Variants in SULT1C2 observed in about 807,000 individuals in gnomAD.
SULT1C2 encodes sulfotransferase family 1C member 2, also known as sulfotransferase 1C2.
SULT1C2 carries 27 observed loss-of-function variants against 36.0 expected under a neutral mutation model. The observed-to-expected ratio is 0.75, with a 90% CI of 0.55 to 1.03. The LOEUF (loss-of-function observed/expected upper bound fraction) is 1.03, where lower values mean the gene tolerates loss of function less well. SULT1C2 is among the 50% of genes least tolerant of loss of function. The pLI, the probability that SULT1C2 is intolerant of heterozygous loss-of-function variation, is 0.00. For synonymous variants in SULT1C2, 121 were observed against 116.0 expected (o/e 1.04, Z -0.27); for missense variants, 395 against 359.2 (o/e 1.10, Z -0.80).
chr2:108,298,570 C>T, intron 3 of SULT1C2: 1 of 250,698 alleles, frequency 4.0e-6, no homozygotes, highest in Non-Finnish European at 8.0e-6. Context: ...TTTTTAGAGA[C>T]AGGATTTCAC....
intron 4 of SULT1C2, 65 bp downstream of exon 4, chr2:108,301,000 C>A: frequency 6.3e-7 from 1 of 1,591,300 alleles, no homozygotes; most frequent in Admixed American, 1.7e-5. Context: ...GTCCTGCAGA[C>A]CCCAACGCAG....
At chr2:108,300,087 A>T (rs980571836) in intron 3 of SULT1C2, 1 of 152,224 alleles carries the variant, frequency 6.6e-6, no homozygotes, top group Admixed American at 6.5e-5. Context: ...CTTTTAAATG[A>T]GAGAGTAGAG....
intron 1 of SULT1C2, 37 bp downstream of exon 1, chr2:108,289,107 T>C (rs1676530589): frequency 6.6e-6 from 1 of 152,664 alleles, no homozygotes; most frequent in South Asian, 2.1e-4. Context: ...TGTACCTAAC[T>C]CGTTAATTTA....
chr2:108,295,898 A>G lies in SULT1C2; in HGVS notation c.277+1544A>G, dbSNP rs142286707. Reference sequence around the variant, plus strand: ...AACCTGGAACTCCTGGGCTTAGGCAATCTTCCCACCTCAGACTCCTGAGTA... The same window carrying G: ...AACCTGGAACTCCTGGGCTTAGGCAGTCTTCCCACCTCAGACTCCTGAGTA... On this transcript the variant is annotated intron_variant, in intron 3 of 7. Coordinates refer to ENST00000251481, the MANE Select transcript of SULT1C2 (RefSeq NM_001056.4). 2.3e-3 allele frequency among the ~76,000 whole-genome samples: 357 copies of G among 152,250 alleles called. 1 individual carries two copies. The highest frequency in any genetic ancestry group is 8.4e-3 in the African/African-American group (349 of 41,540).
In SULT1C2 at chr2:108,305,415, G is replaced by A. The variant is rs1676998367; in HGVS notation, c.598G>A (p.Asp200Asn). 6.2e-7 allele frequency: 1 copy of A among 1,613,650 alleles called. No homozygotes were observed. Among genetic ancestry groups the A allele is most frequent in the African/African-American group, 1.3e-5 (1 of 74,964 alleles). The change falls in exon 7 of 8, where the codon GAC (aspartate) becomes AAC (asparagine). Residue 200 changes from aspartate to asparagine, a missense_variant and splice_region_variant. Coordinates refer to ENST00000251481, the MANE Select transcript of SULT1C2 (RefSeq NM_001056.4). Reference sequence around the variant, plus strand: ...CAGTCCAATGTTACCCTTGCCGCAGGACCCAAAGCATGAAATTCGGAAGGT... The same window carrying A: ...CAGTCCAATGTTACCCTTGCCGCAGAACCCAAAGCATGAAATTCGGAAGGT... ...LFLFYEDIKRDPKHEIRKVMQ... is the reference protein window; with the variant it reads ...LFLFYEDIKRNPKHEIRKVMQ...
At chr2:108,294,956 T>C (rs1422341431) in intron 3 of SULT1C2, among the ~76,000 whole-genome samples, 1 of 152,234 alleles carries the variant, frequency 6.6e-6, no homozygotes, top group Non-Finnish European at 1.5e-5. Context: ...GGAACTATTT[T>C]GCAAAACAAG....
At chr2:108,302,673 T>G (rs1421840121) in intron 4 of SULT1C2, 1 of 152,154 alleles carries the variant, frequency 6.6e-6, no homozygotes, top group Non-Finnish European at 1.5e-5. Context: ...ACAATGTAAT[T>G]ATCAACTCTA....
At chr2:108,295,314 C>T (rs760545166) in intron 3 of SULT1C2, among the ~76,000 whole-genome samples, 6 of 152,186 alleles carry the variant, frequency 3.9e-5, no homozygotes, top group Non-Finnish European at 5.9e-5. Flanking sequence ...GGTAACTACT[C>T]GCTTTGTAAC....
chr2:108,295,470 G>A (rs370801507), intron 3 of SULT1C2, among the ~76,000 whole-genome samples: 1 of 152,196 alleles, frequency 6.6e-6, no homozygotes, highest in Admixed American at 6.5e-5. Context: ...TGCTCCTTGA[G>A]CAGCAGGATG....
intron 4 of SULT1C2, chr2:108,301,580 C>CAAA (rs111477448): frequency 0.045 from 6,739 of 151,384 alleles, 156 homozygotes; most frequent in Middle Eastern, 0.088. Context: ...GACTCCATCT[C>CAAA]AAAAAAAAAG....
In SULT1C2 at chr2:108,294,280, T is replaced by G. The variant is rs1573244770; in HGVS notation, c.203T>G (p.Val68Gly). The change falls in exon 3 of 8, where the codon GTG (valine) becomes GGG (glycine). Residue 68 changes from valine (V) to glycine (G), a missense_variant. Coordinates refer to ENST00000251481, the MANE Select transcript of SULT1C2 (RefSeq NM_001056.4). ...IVDMIEQNGDVEKCQRAIIQH... is the reference protein window; with the variant it reads ...IVDMIEQNGDGEKCQRAIIQH... Reference sequence around the variant, plus strand: ...GATATGATTGAACAGAATGGGGACGTGGAGAAGTGCCAGCGAGCCATCATC... The same window carrying G: ...GATATGATTGAACAGAATGGGGACGGGGAGAAGTGCCAGCGAGCCATCATC... The G allele has an allele frequency of 6.2e-7, 1 of 1,614,172 alleles. No homozygotes were observed. The highest frequency in any genetic ancestry group is 1.1e-5 in the South Asian group (1 of 91,070).
At chr2:108,293,074 G>T (rs1290293555) in intron 1 of SULT1C2, among the ~76,000 whole-genome samples, 1 of 150,604 alleles carries the variant, frequency 6.6e-6, no homozygotes, top group Non-Finnish European at 1.5e-5. Flanking sequence ...AGCCACTCAG[G>T]AGGCTGAGGC....
chr2:108,297,700 G>T (rs1292333194), intron 3 of SULT1C2, among the ~76,000 whole-genome samples: 3 of 152,144 alleles, frequency 2.0e-5, no homozygotes. Context: ...AGAGAGGTGG[G>T]GCGAGGGTGT....
Position 108,305,753 on chromosome 2 carries a change from A to G in SULT1C2, c.778+158A>G, listed in dbSNP as rs190242734. On this transcript the variant is annotated intron_variant, in intron 7 of 7. Transcript: ENST00000251481. ...ACCAGGGATTTGATCCTGTTGTAGA[A>G]GAGAGCTTTCTAGGGTATTGTTCCA... The G allele has an allele frequency of 1.8e-5, 17 of 947,098 alleles. No individual in the cohort carries two copies. In the East Asian group the frequency reaches 4.5e-4, roughly 25 times the overall value. 58.7% of individuals were successfully genotyped at this position (947,098 alleles called of 1,614,324 possible).
intron 3 of SULT1C2, among the ~76,000 whole-genome samples, chr2:108,297,411 G>A (rs943113043): frequency 2.6e-5 from 4 of 152,192 alleles, no homozygotes; most frequent in Admixed American, 2.6e-4. Flanking sequence ...CTCCCATGGG[G>A]CTGTTTCTAC....
Position 108,308,796 on chromosome 2 carries a change from C to T in SULT1C2, c.*332C>T, listed in dbSNP as rs1677084638. The stretch of plus-strand genomic sequence containing the variant: ...TCTCCCAGTCTATAACATCATAATA[C>T]CTTGAGTATAAGTCCAAATATTAGG... On this transcript the variant is annotated 3_prime_UTR_variant, in exon 8 of 8. Transcript: ENST00000251481. 4.8e-6 allele frequency: 1 copy of T among 206,658 alleles called. No homozygotes were observed. The highest frequency in any genetic ancestry group is 5.5e-5 in the Admixed American group (1 of 18,272). The allele number at this position is 206,658 out of a possible 1,614,324, so 12.8% of individuals were successfully genotyped here. A position where few individuals can be genotyped will look rare whatever the true frequency, so the allele number is the denominator to read the frequency against.
At chr2:108,292,782 CA>C (rs1553419238) in intron 1 of SULT1C2, among the ~76,000 whole-genome samples, 3 of 151,748 alleles carry the variant, frequency 2.0e-5, no homozygotes, top group African/African-American at 4.8e-5. Context: ...GAGTATATAC[CA>C]AAAAAAATTG....
chr2:108,297,183 C>A (rs757599776), intron 3 of SULT1C2, among the ~76,000 whole-genome samples: 5 of 152,136 alleles, frequency 3.3e-5, no homozygotes, highest in Non-Finnish European at 7.4e-5. Flanking sequence ...CACCTACTTG[C>A]CCTCAATAAG....
rs985483419 is a variant in SULT1C2 at position 108,302,511 on chromosome 2, C to T, written c.375+1576C>T. 3.9e-5 allele frequency: 6 copies of T among 152,210 alleles called. No individual in the cohort carries two copies. In the East Asian group the frequency reaches 5.8e-4, roughly 15 times the overall value. The allele number at this position is 152,210 out of a possible 1,614,324, so 9.4% of individuals were successfully genotyped here. A position where few individuals can be genotyped will look rare whatever the true frequency, so the allele number is the denominator to read the frequency against. On this transcript the variant is annotated intron_variant, in intron 4 of 7. Transcript: ENST00000251481. ...TCCCCACAGCCAGTGTTCCCAGGTC[C>T]GCTCTGGAGGGACACAGCTGCAACT...
Sources: gnomAD v4.1 joint callset for allele counts (sites outside exome capture counted in the v4.1 genomes callset) on GRCh38, gnomAD v4.1.1 for gene constraint, MANE v1.5 for transcripts, NCBI Gene and HGNC (gene_info 2026-07-23, HGNC 2026-07-21) for gene names.